MACROD2: variants seen among roughly 807,000 people sequenced by gnomAD.
MACROD2 encodes mono-ADP ribosylhydrolase 2, also known as ADP-ribose glycohydrolase MACROD2.
Under a neutral mutation model 70.4 loss-of-function variants are expected in MACROD2, and 36 were observed. The observed-to-expected ratio is 0.51, with a 90% CI of 0.39 to 0.68. The LOEUF is 0.68. Among genes scored for constraint, MACROD2 ranks in the 30% least tolerant of loss-of-function variants. The pLI, the probability that MACROD2 is intolerant of heterozygous loss-of-function variation, is 0.00. For missense variants in MACROD2, 496 were observed against 538.4 expected (o/e 0.92, Z 0.78); for synonymous variants, 172 against 178.8 (o/e 0.96, Z 0.30).
chr20:15,516,822 C>T (rs936201775), intron 8 of MACROD2, among the ~76,000 whole-genome samples: 9 of 152,138 alleles, frequency 5.9e-5, no homozygotes, highest in African/African-American at 9.7e-5. Context: ...ACTGTAGCCG[C>T]AAATCACAGT....
At chr20:14,848,433 A>G (rs2073165194) in intron 5 of MACROD2, among the ~76,000 whole-genome samples, 1 of 152,142 alleles carries the variant, frequency 6.6e-6, no homozygotes, top group African/African-American at 2.4e-5. Flanking sequence ...TGGGTGAGAA[A>G]GTTGGCCCTT....
chr20:15,563,344 T>C (rs1467008310), intron 8 of MACROD2, among the ~76,000 whole-genome samples: 1 of 152,204 alleles, frequency 6.6e-6, no homozygotes, highest in East Asian at 1.9e-4. Context: ...TTTCTCTGTA[T>C]TTTACACCTG....
intron 3 of MACROD2, among the ~76,000 whole-genome samples, chr20:14,218,203 G>A (rs923157794): frequency 6.6e-6 from 1 of 152,140 alleles, no homozygotes; most frequent in East Asian, 1.9e-4. Flanking sequence ...CCAGTGTTAG[G>A]TGCATATATG....
chr20:14,443,010 C>T (rs889101491), intron 3 of MACROD2, among the ~76,000 whole-genome samples: 4 of 150,682 alleles, frequency 2.7e-5, no homozygotes, highest in Non-Finnish European at 5.9e-5. Context: ...ACCCGGGAGG[C>T]GGAGGTTGCA....
At chr20:14,742,608 G>C (rs543159320) in intron 5 of MACROD2, among the ~76,000 whole-genome samples, 52 of 151,418 alleles carry the variant, frequency 3.4e-4, no homozygotes, top group African/African-American at 1.1e-3. Flanking sequence ...TAAAATCATG[G>C]TTGAAATCTG....
chr20:14,228,825 G>A (rs887825184), intron 3 of MACROD2, among the ~76,000 whole-genome samples: 1 of 132,084 alleles, frequency 7.6e-6, no homozygotes. Context: ...GGGCAACATG[G>A]CGAAACCCCA....
chr20:14,384,131 A>T (rs1387513603), intron 3 of MACROD2, among the ~76,000 whole-genome samples: 1 of 152,128 alleles, frequency 6.6e-6, no homozygotes, highest in South Asian at 2.1e-4. Context: ...ATTAAAACGA[A>T]TTCATCGTAT....
At chr20:14,251,318 T>C (rs182030256) in intron 3 of MACROD2, among the ~76,000 whole-genome samples, 1 of 152,286 alleles carries the variant, frequency 6.6e-6, no homozygotes, top group African/African-American at 2.4e-5. Context: ...GCTCCTGCTA[T>C]TGGAAAATGT....
chr20:15,479,261 C>T (rs1367921687), intron 7 of MACROD2, among the ~76,000 whole-genome samples: 2 of 130,292 alleles, frequency 1.5e-5, no homozygotes, highest in African/African-American at 3.2e-5. Flanking sequence ...TAGATTCTCG[C>T]TCTCTTTTTT....
intron 5 of MACROD2, among the ~76,000 whole-genome samples, chr20:14,836,342 C>T (rs2073030136): frequency 6.6e-6 from 1 of 151,948 alleles, no homozygotes; most frequent in Non-Finnish European, 1.5e-5. Context: ...TCCTGTAGCA[C>T]AAATTCGTTA....
At chr20:14,724,323 T>G (rs2071503516) in intron 5 of MACROD2, among the ~76,000 whole-genome samples, 1 of 152,132 alleles carries the variant, frequency 6.6e-6, no homozygotes, top group South Asian at 2.1e-4. Flanking sequence ...TAAAGCTCCG[T>G]TTCATCACCT....
chr20:15,982,588 T>C (rs6110857), intron 13 of MACROD2, among the ~76,000 whole-genome samples: 2,310 of 151,986 alleles, frequency 0.015, 53 homozygotes, highest in African/African-American at 0.051. Context: ...TGTTTAAGGG[T>C]GGTCTTGGAG....
intron 5 of MACROD2, among the ~76,000 whole-genome samples, chr20:14,786,216 G>GAGAC (rs776831215): frequency 6.6e-6 from 1 of 151,380 alleles, no homozygotes; most frequent in East Asian, 1.9e-4. Context: ...GAGAGAGAGA[G>GAGAC]AGAGAGAGAG....
At chr20:14,822,059 T>C (rs149155816) in intron 5 of MACROD2, among the ~76,000 whole-genome samples, 78 of 152,094 alleles carry the variant, frequency 5.1e-4, no homozygotes, top group African/African-American at 1.6e-3. Context: ...AACAAAATGG[T>C]AAGAACAAGA....
intron 4 of MACROD2, among the ~76,000 whole-genome samples, chr20:14,682,572 G>A (rs1427536894): frequency 6.6e-6 from 1 of 151,646 alleles, no homozygotes; most frequent in Non-Finnish European, 1.5e-5. Flanking sequence ...TCTAAACCTG[G>A]CATTTTCACT....
chr20:14,426,991 C>G (rs2083941629), intron 3 of MACROD2, among the ~76,000 whole-genome samples: 1 of 152,072 alleles, frequency 6.6e-6, no homozygotes, highest in South Asian at 2.1e-4. Flanking sequence ...TGTTATTTGG[C>G]TTTATTCCTT....
intron 8 of MACROD2, among the ~76,000 whole-genome samples, chr20:15,710,194 C>CAA (rs67656339): frequency 0.015 from 1,546 of 102,600 alleles, 17 homozygotes; most frequent in African/African-American, 0.021. Flanking sequence ...ATCAAAAAGA[C>CAA]AAAAAAAAAA....
chr20:15,533,341 C>A (rs753509750), intron 8 of MACROD2, among the ~76,000 whole-genome samples: 1 of 152,208 alleles, frequency 6.6e-6, no homozygotes, highest in East Asian at 1.9e-4. Context: ...GTACATAGAT[C>A]GTGATAATTT....
chr20:15,870,853 G>T (rs180829536), intron 9 of MACROD2, among the ~76,000 whole-genome samples: 2 of 152,130 alleles, frequency 1.3e-5, no homozygotes, highest in South Asian at 2.1e-4. Context: ...CTAGACAAGG[G>T]TATAGCACTG....
Sources: allele counts gnomAD v4.1 joint callset (sites outside exome capture counted in the v4.1 genomes callset), GRCh38; gene constraint gnomAD v4.1.1; transcripts MANE v1.5; gene names NCBI Gene and HGNC (gene_info 2026-07-23, HGNC 2026-07-21).